Variants in HMGA2 observed in about 807,000 individuals in gnomAD.
HMGA2 encodes high mobility group protein HMGI-C.
In HMGA2, 8 loss-of-function variants were observed where a neutral mutation model predicts 19.1. That is an observed-to-expected ratio of 0.42 (90% CI 0.25 to 0.76). HMGA2 has a LOEUF of 0.76. Among genes scored for constraint, HMGA2 ranks in the 30% least tolerant of loss-of-function variants. HMGA2 has a pLI of 0.28. For synonymous variants in HMGA2, 60 were observed against 48.8 expected (o/e 1.23, Z -0.96); for missense variants, 109 against 136.3 (o/e 0.80, Z 1.00).
At chr12:65,880,097 A>G (rs1246126669) in intron 3 of HMGA2, among the ~76,000 whole-genome samples, 1 of 152,262 alleles carries the variant, frequency 6.6e-6, no homozygotes, top group Non-Finnish European at 1.5e-5. Context: ...ACAGCTAACG[A>G]TGGGAGGTGC....
Position 65,930,930 on chromosome 12 carries a change from T to C in HMGA2, c.250-20453T>C, listed in dbSNP as rs572247043. On this transcript the variant is annotated intron_variant, in intron 3 of 4. Transcript: ENST00000403681. ...AAAAGGGATATGGTGCAGCTGAACT[T>C]TCTAATTCACTAAGACAGGAAAAAA... Among the ~76,000 whole-genome samples, 32 of 152,328 alleles carry C rather than the reference T, an allele frequency of 2.1e-4. 1 individual carries two copies. The highest frequency in any genetic ancestry group is 7.7e-4 in the African/African-American group (32 of 41,576).
At chr12:65,888,908 G>A (rs1048629726) in intron 3 of HMGA2, among the ~76,000 whole-genome samples, 12 of 151,938 alleles carry the variant, frequency 7.9e-5, no homozygotes, top group Middle Eastern at 3.4e-3. Context: ...AGGGACCCAG[G>A]GACCACCCTC....
chr12:65,873,115 G>T (rs1344771721), intron 3 of HMGA2, among the ~76,000 whole-genome samples: 2 of 152,094 alleles, frequency 1.3e-5, no homozygotes, highest in East Asian at 1.9e-4. Flanking sequence ...ATGGGAATTT[G>T]CACACACCTG....
In HMGA2 at chr12:65,927,961, ATATATG is replaced by A. The variant is rs201368026; in HGVS notation, c.250-23418_250-23413del. On this transcript the variant is annotated intron_variant, in intron 3 of 4. Transcript: ENST00000403681. ...AATATGTATGTGAGTATATATATAT[ATATATG>A]TATGTATGTATATATGTGTATATAT... is the stretch of plus-strand genomic sequence containing the variant. Among the ~76,000 whole-genome samples, 3 of 140,632 alleles carry A rather than the reference ATATATG, an allele frequency of 2.1e-5. No homozygotes were observed. In the Admixed American group the frequency reaches 2.1e-4, roughly 10 times the overall value. The allele number at this position is 140,632 out of a possible 152,430, so 92.3% of individuals were successfully genotyped here.
intron 3 of HMGA2, among the ~76,000 whole-genome samples, chr12:65,870,684 G>A (rs143007879): frequency 5.4e-4 from 83 of 152,320 alleles, no homozygotes; most frequent in African/African-American, 1.7e-3. Context: ...AGCCGAGATC[G>A]TGCCACTGCA....
intron 3 of HMGA2, among the ~76,000 whole-genome samples, chr12:65,879,153 T>G (rs146625291): frequency 4.9e-4 from 75 of 152,322 alleles, no homozygotes; most frequent in African/African-American, 1.7e-3. Flanking sequence ...TTTGAGACAG[T>G]GTCTAGCTCT....
intron 4 of HMGA2, among the ~76,000 whole-genome samples, chr12:65,962,741 A>G (rs1876786106): frequency 6.6e-6 from 1 of 152,216 alleles, no homozygotes; most frequent in South Asian, 2.1e-4. Flanking sequence ...GATGTAAAAC[A>G]GGAATATTAA....
chr12:65,841,219 C>T (rs993216800), intron 3 of HMGA2, among the ~76,000 whole-genome samples: 5 of 152,082 alleles, frequency 3.3e-5, no homozygotes, highest in African/African-American at 1.2e-4. Context: ...ATCAGATCTT[C>T]CTGCTGGGTA....
intron 3 of HMGA2, among the ~76,000 whole-genome samples, chr12:65,866,199 C>G (rs1355278769): frequency 1.3e-5 from 2 of 152,158 alleles, no homozygotes; most frequent in African/African-American, 4.8e-5. Context: ...AGGCACTGTG[C>G]TAGATATTTG....
intron 3 of HMGA2, chr12:65,851,625 G>T (rs1440343163): frequency 2.3e-6 from 1 of 443,416 alleles, no homozygotes; most frequent in Non-Finnish European, 4.5e-6. Flanking sequence ...CCAAGATCAT[G>T]CCACTGCCTG....
At chr12:65,860,089 C>A (rs566307563) in intron 3 of HMGA2, 202 of 438,476 alleles carry the variant, frequency 4.6e-4, no homozygotes, top group African/African-American at 3.9e-3. Flanking sequence ...AAGACTCTGT[C>A]TGAAAAGAAA....
At chr12:65,961,476 G>A (rs777008020) in intron 4 of HMGA2, among the ~76,000 whole-genome samples, 3 of 152,112 alleles carry the variant, frequency 2.0e-5, no homozygotes, top group Non-Finnish European at 4.4e-5. Context: ...CCCACAGTTT[G>A]GGGGTTGGGA....
intron 3 of HMGA2, among the ~76,000 whole-genome samples, chr12:65,876,605 C>T (rs915697479): frequency 6.6e-6 from 1 of 152,160 alleles, no homozygotes; most frequent in Non-Finnish European, 1.5e-5. Context: ...ATTTATAAAG[C>T]ACGCAAAACA....
At chr12:65,875,131 T>C (rs750062717) in intron 3 of HMGA2, among the ~76,000 whole-genome samples, 74 of 152,178 alleles carry the variant, frequency 4.9e-4, no homozygotes, top group Non-Finnish European at 5.9e-4. Flanking sequence ...ATACAAGTAA[T>C]TGTCCCAAAG....
intron 2 of HMGA2, among the ~76,000 whole-genome samples, chr12:65,829,185 T>C (rs1372723124): frequency 2.0e-5 from 3 of 152,140 alleles, no homozygotes; most frequent in Admixed American, 2.0e-4. Flanking sequence ...TAAACTGCCA[T>C]AGCAACTAAT....
chr12:65,924,984 A>T (rs1875454775), intron 3 of HMGA2, among the ~76,000 whole-genome samples: 1 of 152,140 alleles, frequency 6.6e-6, no homozygotes, highest in Admixed American at 6.5e-5. Flanking sequence ...CTGAGGTAAA[A>T]TTTAACAGAA....
At chr12:65,923,730 C>T (rs532186075) in intron 3 of HMGA2, among the ~76,000 whole-genome samples, 1 of 152,298 alleles carries the variant, frequency 6.6e-6, no homozygotes, top group South Asian at 2.1e-4. Context: ...GTCATTCTCG[C>T]CGGGTGCGGC....
chr12:65,943,712 G>T (rs1457216719), intron 3 of HMGA2, among the ~76,000 whole-genome samples: 1 of 152,162 alleles, frequency 6.6e-6, no homozygotes, highest in African/African-American at 2.4e-5. Context: ...AGGAGACTTT[G>T]TACAGAGAAC....
At chr12:65,945,957 C>T (rs1876249279) in intron 3 of HMGA2, among the ~76,000 whole-genome samples, 1 of 152,134 alleles carries the variant, frequency 6.6e-6, no homozygotes, top group African/African-American at 2.4e-5. Flanking sequence ...AATGAGCTGG[C>T]TTACATCTAA....
Sources: allele counts gnomAD v4.1 joint callset (sites outside exome capture counted in the v4.1 genomes callset), GRCh38; gene constraint gnomAD v4.1.1; transcripts MANE v1.5; gene names NCBI Gene and HGNC (gene_info 2026-07-23, HGNC 2026-07-21).